Variants in LRRC49 observed in about 807,000 individuals in gnomAD.
LRRC49 encodes leucine-rich repeat-containing protein 49.
In LRRC49, 50 loss-of-function variants were observed where a neutral mutation model predicts 83.3. The ratio of observed to expected loss-of-function variants is 0.60; its 90% CI spans 0.48 to 0.76. The LOEUF (loss-of-function observed/expected upper bound fraction) is 0.76, where lower values mean the gene tolerates loss of function less well. Ranked by LOEUF, LRRC49 falls within the 30% of genes least tolerant of loss-of-function variation. The pLI is 0.00. For synonymous variants in LRRC49, 286 were observed against 283.3 expected (o/e 1.01, Z -0.10); for missense variants, 704 against 809.1 (o/e 0.87, Z 1.58).
At chr15:70,940,406 G>A (rs12592285) in intron 8 of LRRC49, among the ~76,000 whole-genome samples, 2,006 of 152,148 alleles carry the variant, frequency 0.013, 50 homozygotes, top group African/African-American at 0.046. Flanking sequence ...ACAGGCGCCC[G>A]CCACCATGCC....
intron 8 of LRRC49, among the ~76,000 whole-genome samples, chr15:70,956,970 A>C (rs887486035): frequency 6.6e-6 from 1 of 152,204 alleles, no homozygotes; most frequent in Non-Finnish European, 1.5e-5. Context: ...GTTGTGCTTG[A>C]ATTACAGACA....
At chr15:71,029,222 G>A (rs1596158992) in intron 14 of LRRC49, among the ~76,000 whole-genome samples, 1 of 152,128 alleles carries the variant, frequency 6.6e-6, no homozygotes, top group Non-Finnish European at 1.5e-5. Context: ...TCATTCAGGA[G>A]CAGATTGTTC....
At chr15:70,892,310 G>C (rs1193594909), upstream of LRRC49, 13 of 1,550,530 alleles carry the variant, frequency 8.4e-6, no homozygotes, top group Non-Finnish European at 1.0e-5. Flanking sequence ...GGGTTCCCTG[G>C]ACCTTCGCCC....
rs2039546074 is a variant in LRRC49 at position 71,037,161 on chromosome 15, T to C, written c.1704-18T>C. Reference sequence around the variant, plus strand: ...TCTGATAAGTAACTCTCTAAATCTCTTTACTGTCTTTCTACAGGAAAAAGC... The same window carrying C: ...TCTGATAAGTAACTCTCTAAATCTCCTTACTGTCTTTCTACAGGAAAAAGC... On this transcript the variant is annotated intron_variant, in intron 14 of 15. Coordinates refer to ENST00000260382, the MANE Select transcript of LRRC49 (RefSeq NM_017691.5). The C allele has an allele frequency of 6.3e-7, 1 of 1,580,034 alleles. No homozygotes were observed.
intron 1 of LRRC49, among the ~76,000 whole-genome samples, chr15:70,871,228 T>C (rs1358725316): frequency 2.0e-5 from 3 of 152,066 alleles, no homozygotes; most frequent in Admixed American, 6.5e-5. Flanking sequence ...CATTTAACCC[T>C]GAGTGGACAC....
Position 70,933,995 on chromosome 15 carries a change from T to C in LRRC49, c.712-2766T>C, listed in dbSNP as rs138414257. Among the ~76,000 whole-genome samples, 351 of 152,330 alleles carry C rather than the reference T, an allele frequency of 2.3e-3. 3 individuals are homozygous for C. Among genetic ancestry groups the C allele is most frequent in the African/African-American group, 8.4e-3 (348 of 41,564 alleles). On this transcript the variant is annotated intron_variant, in intron 7 of 15. Transcript: ENST00000260382. ...AAGACTTCAGGTGATCTGTGTTTCATTTTTACCTCTTGGAGATACCCTTCT... is the reference window on the plus strand; with the variant it reads ...AAGACTTCAGGTGATCTGTGTTTCACTTTTACCTCTTGGAGATACCCTTCT...
intron 2 of LRRC49, among the ~76,000 whole-genome samples, chr15:70,879,351 T>C (rs2033215084): frequency 6.6e-6 from 1 of 152,236 alleles, no homozygotes. Context: ...TGGTTTCTAT[T>C]GATTCCTTTT....
chr15:71,027,039 T>A (rs1048942771), intron 14 of LRRC49, among the ~76,000 whole-genome samples: 1 of 152,222 alleles, frequency 6.6e-6, no homozygotes, highest in Non-Finnish European at 1.5e-5. Flanking sequence ...CTGAATGGTA[T>A]TGCCTAGGTT....
chr15:70,919,026 C>A, intron 6 of LRRC49, 24 bp from the exon 7 acceptor site: 4 of 1,594,250 alleles, frequency 2.5e-6, no homozygotes, highest in Non-Finnish European at 3.4e-6. Flanking sequence ...CTGCTAATCA[C>A]CCTTCTCCTA....
chr15:70,920,741 A>G (rs1475891743), intron 7 of LRRC49, among the ~76,000 whole-genome samples: 1 of 152,198 alleles, frequency 6.6e-6, no homozygotes, highest in Non-Finnish European at 1.5e-5. Context: ...AGGAAATTGT[A>G]TTAATTTCTA....
intron 14 of LRRC49, among the ~76,000 whole-genome samples, chr15:71,023,850 C>G (rs2039072390): frequency 6.6e-6 from 1 of 152,210 alleles, no homozygotes; most frequent in Non-Finnish European, 1.5e-5. Flanking sequence ...ATCACTGAGG[C>G]TGCCTGCTGC....
intron 1 of LRRC49, among the ~76,000 whole-genome samples, chr15:70,857,661 G>A (rs1293152907): frequency 6.6e-6 from 1 of 152,152 alleles, no homozygotes; most frequent in Non-Finnish European, 1.5e-5. Context: ...GATGGAGGGA[G>A]CCTAGGAAAG....
At position 70,873,309 on chromosome 15, in the gene LRRC49, C is replaced by A; in HGVS notation, c.18+86C>A. On this transcript the variant is annotated intron_variant, in intron 2 of 16. Transcript: ENST00000544974. ...ACTGAACTAAAACATCATATACGGTCAAAATACTAACTAAAGCTATTATAC... is the reference window on the plus strand; with the variant it reads ...ACTGAACTAAAACATCATATACGGTAAAAATACTAACTAAAGCTATTATAC... 4 of 1,339,684 alleles carry A rather than the reference C, an allele frequency of 3.0e-6. No individual in the cohort carries two copies. The South Asian group carries it at 5.0e-5, about 17-fold the overall frequency. 83.0% of individuals were successfully genotyped at this position (1,339,684 alleles called of 1,614,324 possible).
chr15:70,884,571 A>G (rs1162125949), intron 2 of LRRC49, among the ~76,000 whole-genome samples: 1 of 152,128 alleles, frequency 6.6e-6, no homozygotes, highest in Non-Finnish European at 1.5e-5. Flanking sequence ...AAACTTTGTA[A>G]AGAAATTCCT....
At chr15:70,977,620 T>C (rs961188988) in intron 9 of LRRC49, among the ~76,000 whole-genome samples, 1 of 152,114 alleles carries the variant, frequency 6.6e-6, no homozygotes, top group Admixed American at 6.6e-5. Flanking sequence ...ACTCCAAGCC[T>C]GGGCAACAAG....
At position 71,037,779 on chromosome 15, in the gene LRRC49, A is replaced by AT. The variant is rs200025665; in HGVS notation, c.1857+455dup. On this transcript the variant is annotated intron_variant, in intron 15 of 15. Transcript: ENST00000260382. ...TAATTCATACCTTTCATTCTACACC[A>AT]TTTTTTTTATGATTACTTAATCATA... 4.2e-3 allele frequency among the ~76,000 whole-genome samples: 635 copies of AT among 151,832 alleles called. 17 individuals carry two copies. Among genetic ancestry groups the AT allele is most frequent in the Admixed American group, 0.037 (567 of 15,228 alleles).
At chr15:70,892,595 A>C, upstream of LRRC49, 1 of 1,467,884 alleles carries the variant, frequency 6.8e-7, no homozygotes, top group Admixed American at 2.2e-5. Context: ...GGTTATAGCA[A>C]CCAGTGTGGC....
chr15:70,871,262 G>C (rs1011657544), intron 1 of LRRC49, among the ~76,000 whole-genome samples: 1 of 152,030 alleles, frequency 6.6e-6, no homozygotes, highest in South Asian at 2.1e-4. Context: ...GAGAGCACGG[G>C]GTTGGGGGTA....
At chr15:71,030,399 G>A (rs1164936467) in intron 14 of LRRC49, among the ~76,000 whole-genome samples, 2 of 152,118 alleles carry the variant, frequency 1.3e-5, no homozygotes, top group South Asian at 2.1e-4. Context: ...TTAGTCTGAC[G>A]GGCTTCCCTT....
Sources: gnomAD v4.1 joint callset for allele counts (sites outside exome capture counted in the v4.1 genomes callset) on GRCh38, gnomAD v4.1.1 for gene constraint, MANE v1.5 for transcripts, NCBI Gene and HGNC (gene_info 2026-07-23, HGNC 2026-07-21) for gene names.